Variants in ANKAR observed in about 807,000 individuals in gnomAD.
ANKAR encodes ankyrin and armadillo repeat containing, also known as ankyrin and armadillo repeat-containing protein.
Under a neutral mutation model 146.2 loss-of-function variants are expected in ANKAR, and 136 were observed. The observed-to-expected ratio is 0.93, with a 90% confidence interval of 0.81 to 1.07. ANKAR has a LOEUF of 1.07. Ranked by LOEUF, ANKAR falls within the 50% of genes least tolerant of loss-of-function variation. The pLI is 0.00. For missense variants in ANKAR, 1,567 were observed against 1,679.9 expected (o/e 0.93, Z 1.18); for synonymous variants, 500 against 575.8 (o/e 0.87, Z 1.88).
chr2:189,700,244 T>A (rs2037867979), intron 7 of ANKAR, among the ~76,000 whole-genome samples: 1 of 152,202 alleles, frequency 6.6e-6, no homozygotes, highest in African/African-American at 2.4e-5. Context: ...TACAGAATTC[T>A]AGATTAGTGG....
chr2:189,683,511 G>A (rs1235825634), intron 2 of ANKAR, among the ~76,000 whole-genome samples: 1 of 152,190 alleles, frequency 6.6e-6, no homozygotes, highest in Non-Finnish European at 1.5e-5. Flanking sequence ...TGGTCTGAAA[G>A]GATGTGAGGT....
Position 189,754,003 on chromosome 2 carries a change from T to C in ANKAR, c.*585-7095T>C, listed in dbSNP as rs757309796. ...TTCTTTTCACAAGATGACATGCCATTGTGTGCTGTACTGTGGCAGCAATGT... is the reference window on the plus strand; with the variant it reads ...TTCTTTTCACAAGATGACATGCCATCGTGTGCTGTACTGTGGCAGCAATGT... On this transcript the variant is annotated intron_variant and NMD_transcript_variant, in intron 18 of 18. Transcript: ENST00000441800. 6 of 1,613,782 alleles carry C rather than the reference T, an allele frequency of 3.7e-6. No individual in the cohort carries two copies. The Admixed American group carries it at 6.7e-5, about 18-fold the overall frequency.
Position 189,729,115 on chromosome 2 carries a change from A to G in ANKAR, c.3193+294A>G, listed in dbSNP as rs1056040233. Among the ~76,000 whole-genome samples, 3 of 151,940 alleles carry G rather than the reference A, an allele frequency of 2.0e-5. No individual in the cohort carries two copies. In the South Asian group the frequency reaches 6.2e-4, roughly 31 times the overall value. ...AAGCAATCTCTTTTTTAAGTTTAAG[A>G]GAAAAATAGTTCTTTTGAATCTCAA... On this transcript the variant is annotated intron_variant, in intron 15 of 22. Transcript: ENST00000684021.
chr2:189,744,924 G>A (rs998531439), intron 22 of ANKAR, 136 bp downstream of exon 22: 5 of 598,868 alleles, frequency 8.3e-6, no homozygotes, highest in Non-Finnish European at 1.2e-5. Flanking sequence ...TTGGGAGGCC[G>A]AGGTGGGCAG....
intron 22 of ANKAR, among the ~76,000 whole-genome samples, chr2:189,745,444 C>T (rs1378316086): frequency 6.6e-6 from 1 of 152,146 alleles, no homozygotes. Context: ...ACTTACCTAT[C>T]TGAATTCTCA....
At chr2:189,689,272 T>A (rs1046041004) in intron 2 of ANKAR, among the ~76,000 whole-genome samples, 5 of 152,212 alleles carry the variant, frequency 3.3e-5, no homozygotes, top group Admixed American at 3.3e-4. Context: ...ATGAGGTATG[T>A]CTGACCTCCC....
chr2:189,690,975 C>T (rs1426635628), intron 3 of ANKAR, among the ~76,000 whole-genome samples: 1 of 152,140 alleles, frequency 6.6e-6, no homozygotes, highest in Non-Finnish European at 1.5e-5. Context: ...TCTCAAAATA[C>T]ATTATGTCCC....
At chr2:189,714,937 C>T (rs1463597571) in intron 10 of ANKAR, among the ~76,000 whole-genome samples, 4 of 115,584 alleles carry the variant, frequency 3.5e-5, no homozygotes, top group African/African-American at 1.6e-4. Context: ...CAGAGTGAGA[C>T]TCCATCTCAC....
intron 9 of ANKAR, among the ~76,000 whole-genome samples, chr2:189,708,892 A>G (rs2039314316): frequency 6.6e-6 from 1 of 152,220 alleles, no homozygotes; most frequent in Non-Finnish European, 1.5e-5. Flanking sequence ...TCACGAGGTC[A>G]AGAGATAGAG....
rs767170797 is a variant in ANKAR, at chr2:189,733,205, T to C, written c.3399T>C (p.Leu1133=). Residue 1133 remains leucine (L), a synonymous_variant, in exon 17 of 23, where the codon CTT becomes CTC. Transcript: ENST00000684021. ...ENEGFEYADV[L]YLLHSTEKDI... The stretch of plus-strand genomic sequence containing the variant: ...AAGGATTTGAATATGCTGATGTCCT[T>C]TATCTTCTTCACTCAACAGAAAAGG... 8.7e-6 allele frequency: 14 copies of C among 1,607,908 alleles called. No homozygotes were observed. The highest frequency in any genetic ancestry group is 1.1e-5 in the Non-Finnish European group (13 of 1,177,602).
At chr2:189,730,968 G>C (rs189765668) in intron 16 of ANKAR, among the ~76,000 whole-genome samples, 173 of 152,290 alleles carry the variant, frequency 1.1e-3, no homozygotes, top group Middle Eastern at 6.8e-3. Flanking sequence ...GGCGGCGATA[G>C]TGGGAATGTG....
At chr2:189,695,297 TA>T in intron 6 of ANKAR, 136 bp downstream of exon 6, 1 of 680,898 alleles carries the variant, frequency 1.5e-6, no homozygotes, top group Non-Finnish European at 2.2e-6. Flanking sequence ...CACATTTTAG[TA>T]GCTGAAAGGC....
chr2:189,681,127 AAAG>A (rs1178915639), intron 2 of ANKAR, among the ~76,000 whole-genome samples: 5 of 152,250 alleles, frequency 3.3e-5, no homozygotes, highest in African/African-American at 1.2e-4. Context: ...CCAAACTGGT[AAAG>A]AAACAACAAG....
chr2:189,738,396 AT>A (rs2105883723), intron 18 of ANKAR, among the ~76,000 whole-genome samples, 168 bp from the exon 19 acceptor site: 1 of 152,226 alleles, frequency 6.6e-6, no homozygotes, highest in Admixed American at 6.5e-5. Context: ...ACAGGGACAA[AT>A]ACTCTAACTC....
At chr2:189,739,672 T>A (rs1435252765) in intron 19 of ANKAR, among the ~76,000 whole-genome samples, 1 of 151,872 alleles carries the variant, frequency 6.6e-6, no homozygotes, top group Non-Finnish European at 1.5e-5. Context: ...CAAGCGATTC[T>A]CCTGCCTCAG....
Position 189,737,675 on chromosome 2 carries a change from AT to A in ANKAR, c.3424-3del, listed in dbSNP as rs1445079811. The stretch of plus-strand genomic sequence containing the variant: ...GTTCACCATAATGCCTGTTTCTCCT[AT>A]TTTTAGGATATTTGCTTAAGAGCAG... On this transcript the variant is annotated splice_region_variant and splice_polypyrimidine_tract_variant and intron_variant, in intron 17 of 22. Coordinates refer to ENST00000684021, the MANE Select transcript of ANKAR (RefSeq NM_001378068.1). 6.3e-7 allele frequency: 1 copy of A among 1,581,520 alleles called. No individual in the cohort carries two copies. Among genetic ancestry groups the A allele is most frequent in the African/African-American group, 1.4e-5 (1 of 72,982 alleles).
At chr2:189,719,864 A>T (rs1385944806) in intron 11 of ANKAR, 51 bp downstream of exon 11, 1 of 1,485,330 alleles carries the variant, frequency 6.7e-7, no homozygotes. Flanking sequence ...ACTCCCTCAT[A>T]TAGAAGTTAC....
chr2:189,737,754 A>G lies in ANKAR; in HGVS notation c.3495A>G (p.Ile1165Met). The change falls in exon 18 of 23, where the codon ATA becomes ATG. Residue 1165 changes from isoleucine (I) to methionine (M), a missense_variant. Ile to Met is a conservative substitution (Grantham distance 10, BLOSUM62 1). Transcript: ENST00000684021. ...ATAATCGCTTTCAACAATACTTAAT[A>G]TTGGAAAGTGGAATAATGACCATAT... ...AFNNRFQQYLILESGIMTISI... is the reference protein window; with the variant it reads ...AFNNRFQQYLMLESGIMTISI... 6.2e-7 allele frequency: 1 copy of G among 1,600,302 alleles called. No homozygotes were observed. Among genetic ancestry groups the G allele is most frequent in the Non-Finnish European group, 8.5e-7 (1 of 1,176,528 alleles).
intron 10 of ANKAR, among the ~76,000 whole-genome samples, chr2:189,715,957 T>C (rs957300889): frequency 1.7e-4 from 26 of 152,200 alleles, no homozygotes; most frequent in African/African-American, 6.3e-4. Flanking sequence ...TAAGAGCTAT[T>C]TATGACAAAG....
Sources: allele counts gnomAD v4.1 joint callset (sites outside exome capture counted in the v4.1 genomes callset), GRCh38; gene constraint gnomAD v4.1.1; transcripts MANE v1.5; gene names NCBI Gene and HGNC (gene_info 2026-07-23, HGNC 2026-07-21).